Variants in SRGAP2 observed in about 807,000 individuals in gnomAD.
SRGAP2 encodes SLIT-ROBO Rho GTPase-activating protein 2.
A neutral mutation model predicts 57.2 loss-of-function variants in SRGAP2; 15 were observed. The observed-to-expected ratio is 0.26, with a 90% confidence interval of 0.18 to 0.40. SRGAP2 has a LOEUF of 0.40. Ranked by LOEUF, SRGAP2 falls within the 10% of genes least tolerant of loss-of-function variation. The probability of loss-of-function intolerance (pLI) is 1.00; values close to 1 mark genes in which losing one functional copy is unlikely to be tolerated. For missense variants in SRGAP2, 520 were observed against 669.6 expected (o/e 0.78, Z 2.47); for synonymous variants, 249 against 248.0 (o/e 1.00, Z -0.04).
chr1:206,266,708 G>T (rs1366173570), intron 2 of SRGAP2, among the ~76,000 whole-genome samples: 1 of 150,482 alleles, frequency 6.6e-6, no homozygotes, highest in African/African-American at 2.5e-5. Context: ...CCCTCCTCCA[G>T]GTTTCTTCAT....
intron 10 of SRGAP2, among the ~76,000 whole-genome samples, chr1:206,414,911 T>C (rs1553360944): frequency 6.6e-6 from 1 of 152,244 alleles, no homozygotes. Flanking sequence ...CAAAATTTAG[T>C]TCTGCTTCTC....
chr1:206,311,373 G>A lies in SRGAP2; in HGVS notation c.260+7900G>A, dbSNP rs543177628. Among the ~76,000 whole-genome samples, 7 of 152,298 alleles carry A rather than the reference G, an allele frequency of 4.6e-5. No homozygotes were observed. In the South Asian group the frequency reaches 1.2e-3, roughly 27 times the overall value. ...GAAGAGAGATTTCTTCTGATTGGAG[G>A]ACTGGATAGGGCTTTAGGGAGGTCA... On this transcript the variant is annotated intron_variant, in intron 3 of 22. Coordinates refer to ENST00000573034, the MANE Select transcript of SRGAP2 (RefSeq NM_015326.5).
At chr1:206,354,805 G>C in intron 4 of SRGAP2, among the ~76,000 whole-genome samples, 1 of 118,068 alleles carries the variant, frequency 8.5e-6, no homozygotes, top group African/African-American at 3.4e-5. Context: ...TCTCCCCTCT[G>C]CCTTCTCTTC....
intron 8 of SRGAP2, chr1:206,405,029 AC>A (rs1658587580): frequency 9.2e-6 from 1 of 108,558 alleles, no homozygotes; most frequent in South Asian, 3.9e-4. Flanking sequence ...ACATAGACCT[AC>A]CCCTGCCGGG....
At chr1:206,429,399 C>G (rs977531237) in intron 13 of SRGAP2, among the ~76,000 whole-genome samples, 1 of 152,250 alleles carries the variant, frequency 6.6e-6, no homozygotes, top group Admixed American at 6.5e-5. Context: ...ATGGCCAACC[C>G]TGGACACCCA....
At chr1:206,310,260 A>C (rs1341085560) in intron 3 of SRGAP2, among the ~76,000 whole-genome samples, 1 of 151,080 alleles carries the variant, frequency 6.6e-6, no homozygotes, top group African/African-American at 2.5e-5. Context: ...TAATACAGGC[A>C]AGGTGGTGAG....
intron 3 of SRGAP2, chr1:206,333,558 C>T: frequency 3.7e-6 from 3 of 810,754 alleles, no homozygotes; most frequent in Non-Finnish European, 6.0e-6. Flanking sequence ...GAGACAGGTC[C>T]TATGTTGCCC....
chr1:206,430,061 T>C, intron 13 of SRGAP2, 101 bp from the exon 14 acceptor site: 2 of 726,012 alleles, frequency 2.8e-6, no homozygotes, highest in Non-Finnish European at 5.2e-6. Flanking sequence ...GACCGGCTGG[T>C]GATCCGCTAA....
rs1674839248 is a variant in SRGAP2, at chr1:206,337,151, G to C, written c.261-5695G>C. ...AGCATCTAGGGTTTTGGCAATCTGT[G>C]CTCCCTTTGGATTCCTTTCTGTCAA... On this transcript the variant is annotated intron_variant, in intron 3 of 22. Transcript: ENST00000573034. Among the ~76,000 whole-genome samples, 3 of 149,656 alleles carry C rather than the reference G, an allele frequency of 2.0e-5. No individual in the cohort carries two copies. In the South Asian group the frequency reaches 6.3e-4, roughly 31 times the overall value.
At chr1:206,232,776 C>G in intron 2 of SRGAP2, among the ~76,000 whole-genome samples, 1 of 91,306 alleles carries the variant, frequency 1.1e-5, no homozygotes, top group East Asian at 2.9e-4. Context: ...CAGGCATAAG[C>G]CATCTCACCT....
At chr1:206,392,962 G>A (rs1170471123) in intron 6 of SRGAP2, 58 bp downstream of exon 6, 2 of 717,170 alleles carry the variant, frequency 2.8e-6, no homozygotes, top group Non-Finnish European at 5.2e-6. Flanking sequence ...AGGCATGGCT[G>A]ATAGGAATTT....
chr1:206,279,755 G>T (rs1236304505), intron 2 of SRGAP2, among the ~76,000 whole-genome samples: 6 of 151,186 alleles, frequency 4.0e-5, no homozygotes, highest in Non-Finnish European at 8.8e-5. Flanking sequence ...ATACTTTCCA[G>T]TTCTGGAAAT....
chr1:206,319,913 AT>A (rs1163578573), intron 3 of SRGAP2, among the ~76,000 whole-genome samples: 1 of 150,544 alleles, frequency 6.6e-6, no homozygotes, highest in Admixed American at 6.6e-5. Context: ...GGTTCAAGCG[AT>A]TCTCGTGCCT....
At chr1:206,319,368 G>A (rs1258686702) in intron 3 of SRGAP2, among the ~76,000 whole-genome samples, 1 of 151,398 alleles carries the variant, frequency 6.6e-6, no homozygotes, top group Non-Finnish European at 1.5e-5. Context: ...CCGAGATCGC[G>A]CCACTGCACT....
At chr1:206,411,051 G>A (rs762565709) in intron 10 of SRGAP2, among the ~76,000 whole-genome samples, 8 of 152,118 alleles carry the variant, frequency 5.3e-5, no homozygotes, top group African/African-American at 1.4e-4. Flanking sequence ...TAGTAGAGAC[G>A]GGGTTTCACT....
intron 4 of SRGAP2, among the ~76,000 whole-genome samples, chr1:206,366,670 G>A (rs1654043780): frequency 6.6e-6 from 1 of 151,848 alleles, no homozygotes; most frequent in Non-Finnish European, 1.5e-5. Context: ...TTTCCCCTGG[G>A]TGTTTGAACC....
At chr1:206,256,747 C>T (rs1207478937) in intron 2 of SRGAP2, among the ~76,000 whole-genome samples, 2 of 151,734 alleles carry the variant, frequency 1.3e-5, no homozygotes, top group Non-Finnish European at 2.9e-5. Context: ...ATCTGGGTGA[C>T]AAAATCCAAA....
chr1:206,301,125 G>A lies in SRGAP2; in HGVS notation c.68-2156G>A, dbSNP rs1315427894. ...CTGCTCAGTGCAAGCTCCGCCTCCC[G>A]GGTTCACGCCATTCTCCCGCCTCAG... On this transcript the variant is annotated intron_variant, in intron 2 of 22. Transcript: ENST00000573034. Among the ~76,000 whole-genome samples the A allele has an allele frequency of 2.0e-5, 3 of 152,150 alleles. No homozygotes were observed. In the South Asian group the frequency reaches 6.2e-4, roughly 32 times the overall value.
At chr1:206,312,992 C>T (rs539141060) in intron 3 of SRGAP2, among the ~76,000 whole-genome samples, 2 of 151,868 alleles carry the variant, frequency 1.3e-5, no homozygotes, top group African/African-American at 4.8e-5. Flanking sequence ...CTGTAAATTA[C>T]CTTTCGGTCA....
Sources: allele counts gnomAD v4.1 joint callset (sites outside exome capture counted in the v4.1 genomes callset), GRCh38; gene constraint gnomAD v4.1.1; transcripts MANE v1.5; gene names NCBI Gene and HGNC (gene_info 2026-07-23, HGNC 2026-07-21).